KAZN: variants seen among roughly 807,000 people sequenced by gnomAD.
The protein encoded by KAZN is kazrin.
Under a neutral mutation model 87.4 loss-of-function variants are expected in KAZN, and 40 were observed. That is an observed-to-expected ratio of 0.46 (90% confidence interval 0.36 to 0.60). KAZN has a LOEUF of 0.60. KAZN is among the 20% of genes least tolerant of loss of function. KAZN has a pLI of 0.00. For missense variants in KAZN, 898 were observed against 1,073.9 expected (o/e 0.84, Z 2.29); for synonymous variants, 466 against 458.3 (o/e 1.02, Z -0.22).
At chr1:14,671,486 AC>A (rs147439401) in intron 1 of KAZN, among the ~76,000 whole-genome samples, 2,855 of 152,268 alleles carry the variant, frequency 0.019, 89 homozygotes, top group African/African-American at 0.064. Flanking sequence ...CATTCACAAA[AC>A]ATATTAAAGA....
At chr1:14,787,184 G>A (rs1645534053) in intron 1 of KAZN, among the ~76,000 whole-genome samples, 1 of 152,154 alleles carries the variant, frequency 6.6e-6, no homozygotes, top group African/African-American at 2.4e-5. Flanking sequence ...ATTAATTATG[G>A]CCAATACATG....
At chr1:14,191,654 G>A (rs1358956153) in intron 2 of KAZN, among the ~76,000 whole-genome samples, 1 of 152,150 alleles carries the variant, frequency 6.6e-6, no homozygotes, top group African/African-American at 2.4e-5. Flanking sequence ...GCAGACATCA[G>A]CAAACCCTCT....
At chr1:14,165,121 G>C (rs1310097170) in intron 1 of KAZN, among the ~76,000 whole-genome samples, 1 of 152,022 alleles carries the variant, frequency 6.6e-6, no homozygotes, top group Non-Finnish European at 1.5e-5. Flanking sequence ...AGAATTGTGT[G>C]TCATGTGTAC....
chr1:14,936,673 G>A (rs536146335), intron 1 of KAZN, among the ~76,000 whole-genome samples: 6 of 152,250 alleles, frequency 3.9e-5, no homozygotes, highest in Admixed American at 1.3e-4. Context: ...CCCACTGGGC[G>A]CCTGGAACTG....
At chr1:14,624,424 GAA>G (rs374913141) in intron 1 of KAZN, among the ~76,000 whole-genome samples, 1 of 137,908 alleles carries the variant, frequency 7.3e-6, no homozygotes. Context: ...TCCGTCTCAA[GAA>G]AAAAAAAAAA....
At chr1:14,350,207 A>AC (rs1372355849) in intron 2 of KAZN, among the ~76,000 whole-genome samples, 12 of 151,022 alleles carry the variant, frequency 7.9e-5, no homozygotes. Context: ...GGTTTCTGTC[A>AC]CCCTCTGGAT....
chr1:15,001,778 G>A (rs1486976409), intron 2 of KAZN, among the ~76,000 whole-genome samples: 1 of 151,600 alleles, frequency 6.6e-6, no homozygotes, highest in East Asian at 1.9e-4. Context: ...CAGAAGGTTC[G>A]TGAGGATCAC....
chr1:14,383,550 C>T (rs1248982589), intron 2 of KAZN, among the ~76,000 whole-genome samples: 2 of 151,428 alleles, frequency 1.3e-5, no homozygotes, highest in Non-Finnish European at 2.9e-5. Flanking sequence ...CCAGTTTTCC[C>T]AGCACCATTT....
intron 1 of KAZN, among the ~76,000 whole-genome samples, chr1:14,619,497 G>A (rs576077979): frequency 6.6e-6 from 1 of 152,278 alleles, no homozygotes; most frequent in East Asian, 1.9e-4. Flanking sequence ...ACTGTGCCAG[G>A]CATTGAATCA....
Position 15,066,232 on chromosome 1 carries a change from T to C in KAZN, c.1222+479T>C. ...TGAAGGACTGCTGTGTATTTGTAAATAACAAAACTATTGTGCACTCTGTGC... is the reference window on the plus strand; with the variant it reads ...TGAAGGACTGCTGTGTATTTGTAAACAACAAAACTATTGTGCACTCTGTGC... On this transcript the variant is annotated intron_variant, in intron 8 of 14. Coordinates refer to ENST00000376030, the MANE Select transcript of KAZN (RefSeq NM_201628.3). This position sits in a 1 kb window ranked among gnomAD's most constrained non-coding sequence, Gnocchi z 4.3. The C allele has an allele frequency of 2.0e-6, 2 of 988,314 alleles. No homozygotes were observed. The highest frequency in any genetic ancestry group is 2.4e-6 in the Non-Finnish European group (2 of 831,970). 61.2% of individuals were successfully genotyped at this position (988,314 alleles called of 1,614,324 possible). A position where few individuals can be genotyped will look rare whatever the true frequency, so the allele number is the denominator to read the frequency against.
chr1:14,269,191 C>A (rs1472008810), intron 2 of KAZN, among the ~76,000 whole-genome samples: 2 of 152,032 alleles, frequency 1.3e-5, no homozygotes, highest in African/African-American at 4.8e-5. Context: ...TTAGATATTA[C>A]AATTTCATGG....
intron 1 of KAZN, among the ~76,000 whole-genome samples, chr1:14,030,719 T>G (rs1192498094): frequency 6.6e-6 from 1 of 151,136 alleles, no homozygotes; most frequent in Non-Finnish European, 1.5e-5. Context: ...CTTTGCCAGC[T>G]TGGACAGATG....
At chr1:14,406,519 A>G (rs1199866251) in intron 2 of KAZN, among the ~76,000 whole-genome samples, 2 of 152,064 alleles carry the variant, frequency 1.3e-5, no homozygotes, top group Non-Finnish European at 2.9e-5. Flanking sequence ...GAATGACACA[A>G]TGGACTTTGG....
intron 2 of KAZN, among the ~76,000 whole-genome samples, chr1:14,206,468 T>C (rs1355316735): frequency 6.6e-6 from 1 of 152,058 alleles, no homozygotes; most frequent in Non-Finnish European, 1.5e-5. Context: ...AAGTGGACTC[T>C]TTGGTGATTT....
chr1:14,727,937 C>T (rs1557428380), intron 1 of KAZN, among the ~76,000 whole-genome samples: 1 of 152,016 alleles, frequency 6.6e-6, no homozygotes, highest in Non-Finnish European at 1.5e-5. Context: ...CCTAAGGAAT[C>T]AGCAATTTAG....
intron 2 of KAZN, among the ~76,000 whole-genome samples, chr1:14,548,991 A>G (rs759952418): frequency 6.6e-6 from 1 of 152,112 alleles, no homozygotes; most frequent in East Asian, 1.9e-4. Context: ...GCTTGCATAT[A>G]TTTTACTTAG....
intron 1 of KAZN, among the ~76,000 whole-genome samples, chr1:14,724,573 C>G (rs1643289602): frequency 6.6e-6 from 1 of 152,242 alleles, no homozygotes. Flanking sequence ...ACCAATTGCT[C>G]TCCTGGTTCC....
Position 15,094,198 on chromosome 1 carries a change from G to A in KAZN, c.1241G>A (p.Ser414Asn). 1 of 1,613,378 alleles carries A rather than the reference G, an allele frequency of 6.2e-7. No homozygotes were observed. Among genetic ancestry groups the A allele is most frequent in the Non-Finnish European group, 8.5e-7 (1 of 1,179,866 alleles). The part of the protein sequence containing the change: ...GLFDDSDSQC[S>N]PTRQSLSLSE... ...GTTGCAGACTCGGACAGCCAGTGCA[G>A]CCCCACGCGGCAGAGCCTCAGCCTG... The change falls in exon 9 of 15, where the codon AGC (serine) becomes AAC (asparagine). Residue 414 changes from serine (S) to asparagine (N), a missense_variant. Physicochemically the swap from Ser to Asn is conservative, Grantham distance 46. This residue lies in a region of KAZN where 521 missense variants were observed against 689.4 expected (regional missense o/e 0.76). Transcript: ENST00000376030. The surrounding 1 kb of genome is among the most constrained non-coding windows in gnomAD (Gnocchi z 4.5).
Position 15,012,464 on chromosome 1 carries a change from A to G in KAZN, c.419-22285A>G, listed in dbSNP as rs143051141. 7.7e-3 allele frequency among the ~76,000 whole-genome samples: 1,170 copies of G among 152,218 alleles called. 16 individuals are homozygous for G. The highest frequency in any genetic ancestry group is 0.026 in the African/African-American group (1,090 of 41,520). ...GGTACCTCACCGCTGGGTTGATGCA[A>G]CGCCCCACACCTGGAGGCAGAAAAA... is the stretch of plus-strand genomic sequence containing the variant. On this transcript the variant is annotated intron_variant, in intron 2 of 14. Coordinates refer to ENST00000376030, the MANE Select transcript of KAZN (RefSeq NM_201628.3).
Sources: gnomAD v4.1 joint callset for allele counts (sites outside exome capture counted in the v4.1 genomes callset) on GRCh38, gnomAD v4.1.1 for gene constraint, gnomAD v4.1.1 regional missense constraint, Gnocchi (gnomAD v3.1) non-coding constraint, MANE v1.5 for transcripts, NCBI Gene and HGNC (gene_info 2026-07-23, HGNC 2026-07-21) for gene names.